The following BEND4 variants were observed in gnomAD, a reference collection of about 807,000 sequenced individuals.
BEND4 encodes the protein BEN domain-containing protein 4.
A neutral mutation model predicts 54.7 loss-of-function variants in BEND4; 27 were observed. That is an observed-to-expected ratio of 0.49 (90% confidence interval 0.36 to 0.68). BEND4 has a LOEUF of 0.68. Ranked by LOEUF, BEND4 falls within the 30% of genes least tolerant of loss-of-function variation. The probability of loss-of-function intolerance (pLI) is 0.00; values close to 1 mark genes in which losing one functional copy is unlikely to be tolerated. For synonymous variants in BEND4, 327 were observed against 299.5 expected (o/e 1.09, Z -0.95); for missense variants, 702 against 697.2 (o/e 1.01, Z -0.08).
rs775573224 is a variant in BEND4, at chr4:42,151,761, G to A, written c.383C>T (p.Ser128Leu). The change falls in exon 2 of 6, where the codon TCG (serine) becomes TTG (leucine). Residue 128 changes from serine (S) to leucine (L), a missense_variant. Physicochemically the swap from Ser to Leu is moderately radical, Grantham distance 145 (BLOSUM62 -2). Transcript: ENST00000502486. ...QPPPASPAAS[S>L]SSSFAAVVRY... Reference sequence around the variant, plus strand: ...GACGACAGCGGCGAACGAAGACGACGAGGAGGCGGCGGGGGACGCGGGCGG... The same window carrying A: ...GACGACAGCGGCGAACGAAGACGACAAGGAGGCGGCGGGGGACGCGGGCGG... 5.3e-6 allele frequency: 8 copies of A among 1,498,912 alleles called. No individual in the cohort carries two copies. Among genetic ancestry groups the A allele is most frequent in the East Asian group, 2.8e-5 (1 of 35,322 alleles). 92.9% of individuals were successfully genotyped at this position (1,498,912 alleles called of 1,614,324 possible).
rs1010551976 is a variant in BEND4 at position 42,112,391 on chromosome 4, C to G, written c.*5127G>C. 1 of 152,188 alleles carries G rather than the reference C, an allele frequency of 6.6e-6. No homozygotes were observed. 9.4% of individuals were successfully genotyped at this position (152,188 alleles called of 1,614,324 possible). On this transcript the variant is annotated 3_prime_UTR_variant, in exon 6 of 6. Transcript: ENST00000502486. ...GTTGTTGCAGTTAAGTGGTTCTGAA[C>G]GGGCCCAAATAGTTTTCCAATGTGG...
intron 2 of BEND4, chr4:42,144,220 A>C: frequency 5.1e-6 from 3 of 586,180 alleles, no homozygotes; most frequent in South Asian, 2.0e-5. Context: ...TTGCTCTAGG[A>C]AACGGCTGGA....
intron 2 of BEND4, among the ~76,000 whole-genome samples, chr4:42,147,878 G>A (rs1577770515): frequency 6.6e-6 from 1 of 151,990 alleles, no homozygotes; most frequent in Non-Finnish European, 1.5e-5. Flanking sequence ...CTACTTTACC[G>A]CCCCTCTTTG....
rs961223625 is a variant in BEND4, at chr4:42,114,330, G to C, written c.*3188C>G. 1 of 152,170 alleles carries C rather than the reference G, an allele frequency of 6.6e-6. No homozygotes were observed. The highest frequency in any genetic ancestry group is 1.9e-4 in the East Asian group (1 of 5,192). The allele number at this position is 152,170 out of a possible 1,614,324, so 9.4% of individuals were successfully genotyped here. On this transcript the variant is annotated 3_prime_UTR_variant, in exon 6 of 6. Coordinates refer to ENST00000502486, the MANE Select transcript of BEND4 (RefSeq NM_207406.4). ...ACAAGATTTTAATTTGGAAAACACA[G>C]GACAGTTGTCACTTTTTGTAGGTAT...
chr4:42,128,603 G>C (rs769456552), intron 3 of BEND4, among the ~76,000 whole-genome samples: 1 of 151,480 alleles, frequency 6.6e-6, no homozygotes, highest in Non-Finnish European at 1.5e-5. Flanking sequence ...CAGCCTAGGC[G>C]ACAGAGCAAG....
rs1577774155 is a variant in BEND4 at position 42,151,645 on chromosome 4, G to A, written c.487+12C>T. ...CCGTGGCGGGAAGGAAAGTTGTGCG[G>A]AGAGTTGGTACCTGCGCTGAGCTCC... On this transcript the variant is annotated intron_variant, in intron 2 of 5. Transcript: ENST00000502486. 5 of 1,452,058 alleles carry A rather than the reference G, an allele frequency of 3.4e-6. No homozygotes were observed. Among genetic ancestry groups the A allele is most frequent in the Non-Finnish European group, 2.7e-6 (3 of 1,109,244 alleles). The allele number at this position is 1,452,058 out of a possible 1,614,324, so 89.9% of individuals were successfully genotyped here.
intron 3 of BEND4, 48 bp downstream of exon 3, chr4:42,143,380 G>C: frequency 7.1e-7 from 1 of 1,417,100 alleles, no homozygotes; most frequent in Non-Finnish European, 9.8e-7. Flanking sequence ...TGAGACAAGT[G>C]AAAGAAAGAA....
intron 4 of BEND4, among the ~76,000 whole-genome samples, chr4:42,121,037 T>TAC (rs977438232): frequency 1.6e-4 from 25 of 152,352 alleles, no homozygotes; most frequent in Admixed American, 1.6e-3. Context: ...CAATTGCACC[T>TAC]ACACAACCAT....
chr4:42,124,087 G>C (rs1720176860), intron 4 of BEND4, among the ~76,000 whole-genome samples: 1 of 152,216 alleles, frequency 6.6e-6, no homozygotes, highest in Non-Finnish European at 1.5e-5. Context: ...CTGGGCACAG[G>C]CTCATGCCTG....
chr4:42,127,088 T>C (rs966160083), intron 3 of BEND4, among the ~76,000 whole-genome samples: 2 of 152,212 alleles, frequency 1.3e-5, no homozygotes, highest in Non-Finnish European at 2.9e-5. Flanking sequence ...TTTTTTAAGA[T>C]AGCAAACAGG....
At position 42,126,414 on chromosome 4, in the gene BEND4, A is replaced by T. The variant is rs562123034; in HGVS notation, c.1055-740T>A. 7.2e-5 allele frequency among the ~76,000 whole-genome samples: 11 copies of T among 152,354 alleles called. No homozygotes were observed. In the South Asian group the frequency reaches 1.4e-3, roughly 20 times the overall value. On this transcript the variant is annotated intron_variant, in intron 3 of 5. Transcript: ENST00000502486. ...ATGATGGATTCATTCCTAGTTCTTC[A>T]GTAAGCAGAATTCCATACAATTAGA... is the stretch of plus-strand genomic sequence containing the variant.
At chr4:42,125,744 A>ATT in intron 3 of BEND4, 70 bp from the exon 4 acceptor site, 1 of 1,114,692 alleles carries the variant, frequency 9.0e-7, no homozygotes, top group Non-Finnish European at 1.3e-6. Context: ...AATTTTTTAA[A>ATT]GTTTTTTTTT....
intron 2 of BEND4, among the ~76,000 whole-genome samples, chr4:42,145,529 T>C (rs1008071172): frequency 2.0e-5 from 3 of 151,780 alleles, no homozygotes; most frequent in Non-Finnish European, 1.5e-5. Flanking sequence ...CCGTCTCTAC[T>C]ACAAATACAA....
intron 3 of BEND4, among the ~76,000 whole-genome samples, chr4:42,132,239 G>A (rs573307302): frequency 1.3e-4 from 20 of 152,224 alleles, no homozygotes; most frequent in Admixed American, 7.8e-4. Context: ...TGGCCTTCAC[G>A]GGTGGGGTAA....
At chr4:42,131,256 C>T (rs967142203) in intron 3 of BEND4, among the ~76,000 whole-genome samples, 2 of 152,006 alleles carry the variant, frequency 1.3e-5, no homozygotes, top group African/African-American at 2.4e-5. Context: ...ACATTAAGTC[C>T]CAAAATGTTT....
intron 3 of BEND4, among the ~76,000 whole-genome samples, chr4:42,131,460 A>T (rs911213080): frequency 5.3e-5 from 8 of 152,208 alleles, no homozygotes; most frequent in Non-Finnish European, 1.2e-4. Context: ...TACAGTGGGT[A>T]TAATAGTTTT....
chr4:42,127,871 C>T (rs1720345807), intron 3 of BEND4, among the ~76,000 whole-genome samples: 1 of 152,176 alleles, frequency 6.6e-6, no homozygotes, highest in Non-Finnish European at 1.5e-5. Context: ...ATTTTAGAGT[C>T]ATTAAGATGT....
In BEND4 at chr4:42,116,916, A is replaced by T. The variant is rs1449986605; in HGVS notation, c.*602T>A. 6.6e-6 allele frequency: 1 copy of T among 152,256 alleles called. No individual in the cohort carries two copies. Among genetic ancestry groups the T allele is most frequent in the African/African-American group, 2.4e-5 (1 of 41,464 alleles). 9.4% of individuals were successfully genotyped at this position (152,256 alleles called of 1,614,324 possible). A position where few individuals can be genotyped will look rare whatever the true frequency, so the allele number is the denominator to read the frequency against. ...TCTTGATCAACACAGTGGTTTTTAA[A>T]CAACAGAAAAACAGTTGACCTGTAA... On this transcript the variant is annotated 3_prime_UTR_variant, in exon 6 of 6. Coordinates refer to ENST00000502486, the MANE Select transcript of BEND4 (RefSeq NM_207406.4).
At chr4:42,118,233 G>T (rs1460698612) in intron 5 of BEND4, among the ~76,000 whole-genome samples, 1 of 152,076 alleles carries the variant, frequency 6.6e-6, no homozygotes, top group Non-Finnish European at 1.5e-5. Flanking sequence ...TTCAGAAAAG[G>T]TACCCATGTT....
Sources: gnomAD v4.1 joint callset for allele counts (sites outside exome capture counted in the v4.1 genomes callset) on GRCh38, gnomAD v4.1.1 for gene constraint, MANE v1.5 for transcripts, NCBI Gene and HGNC (gene_info 2026-07-23, HGNC 2026-07-21) for gene names.